Variants in DCTN2 observed in about 807,000 individuals in gnomAD.
DCTN2 encodes 50 kDa dynein-associated polypeptide.
In DCTN2, 18 loss-of-function variants were observed where a neutral mutation model predicts 55.4. The observed-to-expected ratio is 0.32, with a 90% CI of 0.22 to 0.48. The LOEUF (loss-of-function observed/expected upper bound fraction) is 0.48. Ranked by LOEUF, DCTN2 falls within the 20% of genes least tolerant of loss-of-function variation. The probability of loss-of-function intolerance (pLI) is 0.99; values close to 1 mark genes in which losing one functional copy is unlikely to be tolerated. For missense variants in DCTN2, 390 were observed against 491.0 expected, an observed-to-expected ratio of 0.79 and a Z score of 1.94; for synonymous variants, 168 against 185.2, an observed-to-expected ratio of 0.91 and a Z score of 0.76.
At chr12:57,531,921 CT>C in intron 13 of DCTN2, 93 bp downstream of exon 13, 14 of 1,524,688 alleles carry the variant, frequency 9.2e-6, no homozygotes, top group Non-Finnish European at 1.2e-5. Flanking sequence ...CAACACCATG[CT>C]ACAAAATAGG....
At chr12:57,541,656 G>T (rs568803534) in intron 2 of DCTN2, among the ~76,000 whole-genome samples, 33 of 152,260 alleles carry the variant, frequency 2.2e-4, no homozygotes, top group Admixed American at 3.9e-4. Context: ...TGTTTCTAAT[G>T]AGGTTTTTCT....
At chr12:57,538,618 G>C in intron 2 of DCTN2, 1 of 699,710 alleles carries the variant, frequency 1.4e-6, no homozygotes, top group Non-Finnish European at 2.6e-6. Flanking sequence ...AGACAAAATT[G>C]TTATTAGCAA....
rs774230750 is a variant in DCTN2 at position 57,535,873 on chromosome 12, G to C, written c.106-28C>G. ...GCAAGAACAGGTAGTTTAGGCCAGG[G>C]ACACACTCATTCCCACTCTAGAACT... On this transcript the variant is annotated intron_variant, in intron 2 of 13. Coordinates refer to ENST00000548249, the MANE Select transcript of DCTN2 (RefSeq NM_001261413.2). 7.0e-6 allele frequency: 11 copies of C among 1,561,228 alleles called. No homozygotes were observed. The East Asian group carries it at 2.5e-4, about 35-fold the overall frequency.
intron 2 of DCTN2, chr12:57,541,497 A>ACTTCCTTACAGTTT: frequency 1.0e-6 from 1 of 983,988 alleles, no homozygotes; most frequent in Non-Finnish European, 1.6e-6. Flanking sequence ...TCTAAACTGT[A>ACTTCCTTACAGTTT]AGGAAGTACT....
At chr12:57,541,778 T>A (rs890942931) in intron 2 of DCTN2, among the ~76,000 whole-genome samples, 24 of 152,274 alleles carry the variant, frequency 1.6e-4, no homozygotes, top group African/African-American at 5.5e-4. Flanking sequence ...GTGGGTGGAA[T>A]TCTATTTGGG....
rs1439282566 is a variant in DCTN2 at position 57,545,949 on chromosome 12, C to T, written c.105+79G>A. The T allele has an allele frequency of 5.4e-6, 8 of 1,469,832 alleles. No individual in the cohort carries two copies. In the South Asian group the frequency reaches 5.8e-5, roughly 11 times the overall value. 91.0% of individuals were successfully genotyped at this position (1,469,832 alleles called of 1,614,324 possible). A position where few individuals can be genotyped will look rare whatever the true frequency, so the allele number is the denominator to read the frequency against. ...TTGGCATACCCGCTTATTGCTGTAG[C>T]TCCCCCGAGAAAGGGAAGGACCTGT... On this transcript the variant is annotated intron_variant, in intron 2 of 13. Transcript: ENST00000548249.
chr12:57,534,724 G>A (rs527329712), intron 5 of DCTN2, among the ~76,000 whole-genome samples: 2 of 152,310 alleles, frequency 1.3e-5, no homozygotes, highest in South Asian at 4.1e-4. Context: ...TTGGAGTGCA[G>A]TGGCATGATC....
At chr12:57,537,826 C>A (rs998708996) in intron 2 of DCTN2, among the ~76,000 whole-genome samples, 2 of 152,174 alleles carry the variant, frequency 1.3e-5, no homozygotes, top group Admixed American at 1.3e-4. Context: ...GGCCAGAACA[C>A]CCACCCATCT....
intron 2 of DCTN2, 107 bp downstream of exon 2, chr12:57,545,921 G>A: frequency 8.8e-7 from 1 of 1,140,446 alleles, no homozygotes; most frequent in Non-Finnish European, 1.3e-6. Context: ...ACCCAGGCTG[G>A]GGTTGGCATA....
chr12:57,543,721 CAG>C (rs1880901907), intron 2 of DCTN2: 4 of 983,770 alleles, frequency 4.1e-6, no homozygotes, highest in African/African-American at 1.7e-5. Flanking sequence ...TCCCTAGTGA[CAG>C]AGAGTCACTT....
chr12:57,546,534 C>G (rs1881173356), intron 1 of DCTN2, among the ~76,000 whole-genome samples: 1 of 152,092 alleles, frequency 6.6e-6, no homozygotes. Context: ...GGAAGGTACA[C>G]GCCAGGATTG....
intron 2 of DCTN2, chr12:57,542,904 TGGTGGTAGGCAGA>T (rs1307111472): frequency 2.2e-6 from 1 of 455,716 alleles, no homozygotes. Flanking sequence ...GAGAACTGAG[TGGTGGTAGGCAGA>T]GGTGGGAGGC....
At chr12:57,543,363 A>AG (rs1880871219) in intron 2 of DCTN2, among the ~76,000 whole-genome samples, 2 of 147,864 alleles carry the variant, frequency 1.4e-5, no homozygotes, top group Admixed American at 1.3e-4. Context: ...AAAAAAGAAA[A>AG]AAAAAGAAGG....
At chr12:57,544,226 T>C in intron 2 of DCTN2, 2 of 389,362 alleles carry the variant, frequency 5.1e-6, no homozygotes, top group South Asian at 3.7e-5. Context: ...GGACCTCCCT[T>C]GATACCAAAA....
At chr12:57,531,864 C>A in intron 13 of DCTN2, 151 bp downstream of exon 13, 1 of 1,050,654 alleles carries the variant, frequency 9.5e-7, no homozygotes, top group Non-Finnish European at 1.4e-6. Context: ...TGTCAAAGGG[C>A]CTTCACATTG....
At chr12:57,542,689 C>T (rs1880792282) in intron 2 of DCTN2, among the ~76,000 whole-genome samples, 1 of 152,006 alleles carries the variant, frequency 6.6e-6, no homozygotes, top group African/African-American at 2.4e-5. Flanking sequence ...TGTGGTGGCA[C>T]ATGCCTGTAA....
In DCTN2 at chr12:57,530,569, G is replaced by A. The variant is rs1879577504; in HGVS notation, c.*120C>T. 2 of 846,612 alleles carry A rather than the reference G, an allele frequency of 2.4e-6. No individual in the cohort carries two copies. Among genetic ancestry groups the A allele is most frequent in the Non-Finnish European group, 3.8e-6 (2 of 530,512 alleles). 52.4% of individuals were successfully genotyped at this position (846,612 alleles called of 1,614,324 possible). A position where few individuals can be genotyped will look rare whatever the true frequency, so the allele number is the denominator to read the frequency against. On this transcript the variant is annotated 3_prime_UTR_variant, in exon 14 of 14. Coordinates refer to ENST00000548249, the MANE Select transcript of DCTN2 (RefSeq NM_001261413.2). Reference sequence around the variant, plus strand: ...AACCCCACATGCAAGAAGAACCCTTGCCCCCAGTGTCAAATGGGATGGGGA... The same window carrying A: ...AACCCCACATGCAAGAAGAACCCTTACCCCCAGTGTCAAATGGGATGGGGA...
intron 2 of DCTN2, among the ~76,000 whole-genome samples, chr12:57,545,433 A>G (rs1225899693): frequency 6.6e-6 from 1 of 152,116 alleles, no homozygotes; most frequent in African/African-American, 2.4e-5. Flanking sequence ...AACCATACTA[A>G]ATGTTTCCCC....
At chr12:57,541,261 G>T in intron 2 of DCTN2, 1 of 1,434,946 alleles carries the variant, frequency 7.0e-7, no homozygotes, top group Non-Finnish European at 9.5e-7. Flanking sequence ...GGACTCACTG[G>T]AATTTAAAAC....
Sources: gnomAD v4.1 joint callset for allele counts (sites outside exome capture counted in the v4.1 genomes callset) on GRCh38, gnomAD v4.1.1 for gene constraint, MANE v1.5 for transcripts, NCBI Gene and HGNC (gene_info 2026-07-23, HGNC 2026-07-21) for gene names.